The following MORC1 variants were observed in gnomAD, a reference collection of about 807,000 sequenced individuals.
MORC1 encodes MORC family CW-type zinc finger 1.
In MORC1, 59 loss-of-function variants were observed where a neutral mutation model predicts 134.9. The observed-to-expected ratio is 0.44, with a 90% CI of 0.35 to 0.54. MORC1 has a LOEUF of 0.54. MORC1 is among the 20% of genes least tolerant of loss of function. MORC1 has a pLI of 0.00. For missense variants in MORC1, 947 were observed against 1,134.5 expected, an observed-to-expected ratio of 0.83 and a Z score of 2.37; for synonymous variants, 395 against 391.7, an observed-to-expected ratio of 1.01 and a Z score of -0.10.
chr3:109,068,587 C>A (rs978856853), intron 9 of MORC1, among the ~76,000 whole-genome samples: 7 of 152,054 alleles, frequency 4.6e-5, no homozygotes, highest in Non-Finnish European at 7.3e-5. Context: ...TATATATATA[C>A]CACAGTGTCT....
intron 10 of MORC1, among the ~76,000 whole-genome samples, chr3:109,062,897 C>A (rs1251705770): frequency 6.6e-6 from 1 of 152,078 alleles, no homozygotes; most frequent in African/African-American, 2.4e-5. Context: ...GACAGACAAA[C>A]AAGGTTTCTA....
intron 23 of MORC1, among the ~76,000 whole-genome samples, chr3:108,983,059 A>T (rs984437308): frequency 6.6e-6 from 1 of 152,184 alleles, no homozygotes; most frequent in Non-Finnish European, 1.5e-5. Flanking sequence ...ACCAAAAAGT[A>T]TTACATGAAA....
In MORC1 at chr3:109,101,105, G is replaced by A. The variant is rs144786876; in HGVS notation, c.224-598C>T. Among the ~76,000 whole-genome samples, 161 of 152,242 alleles carry A rather than the reference G, an allele frequency of 1.1e-3. 3 individuals carry two copies. The highest frequency in any genetic ancestry group is 3.6e-3 in the African/African-American group (151 of 41,548). ...TCCATGTGGTGTAAGAGGCAACTAC[G>A]TAATACTTATATCACGGTGTTGCTG... On this transcript the variant is annotated intron_variant, in intron 4 of 27. Coordinates refer to ENST00000232603, the MANE Select transcript of MORC1 (RefSeq NM_014429.4).
At chr3:109,023,666 TTTAAG>T (rs1170085051) in intron 17 of MORC1, among the ~76,000 whole-genome samples, 1 of 152,100 alleles carries the variant, frequency 6.6e-6, no homozygotes, top group Admixed American at 6.6e-5. Flanking sequence ...GAAGAGAAAT[TTTAAG>T]TTAAATCTGA....
chr3:109,036,499 T>G (rs11707706), intron 14 of MORC1, among the ~76,000 whole-genome samples: 24,266 of 152,090 alleles, frequency 0.16, 2,167 homozygotes, highest in African/African-American at 0.23. Context: ...TATCTGTACA[T>G]GTGCATATAA....
intron 21 of MORC1, among the ~76,000 whole-genome samples, chr3:108,996,825 A>G (rs2107508595): frequency 2.0e-5 from 3 of 151,976 alleles, no homozygotes; most frequent in Middle Eastern, 6.8e-3. Flanking sequence ...CCTGGCTAAC[A>G]TGGAGAAACC....
chr3:108,995,218 T>C (rs1180979245), intron 21 of MORC1, among the ~76,000 whole-genome samples: 1 of 152,226 alleles, frequency 6.6e-6, no homozygotes, highest in Non-Finnish European at 1.5e-5. Context: ...CACAGGACAC[T>C]GTTCTTGCAA....
At chr3:108,996,294 A>G (rs1037858152) in intron 21 of MORC1, among the ~76,000 whole-genome samples, 3 of 148,848 alleles carry the variant, frequency 2.0e-5, no homozygotes, top group Non-Finnish European at 4.5e-5. Context: ...GCGCACACAC[A>G]CACACACACA....
At chr3:109,070,114 T>C (rs1457290701) in intron 8 of MORC1, among the ~76,000 whole-genome samples, 1 of 152,136 alleles carries the variant, frequency 6.6e-6, no homozygotes, top group Admixed American at 6.6e-5. Flanking sequence ...AATCCCTCGT[T>C]CAAACATAAC....
chr3:108,979,740 G>T (rs1947660951), intron 23 of MORC1, 73 bp from the exon 24 acceptor site: 1 of 1,540,144 alleles, frequency 6.5e-7, no homozygotes, highest in Non-Finnish European at 8.8e-7. Context: ...ATACAAAAAT[G>T]AGTGAAATGT....
intron 1 of MORC1, among the ~76,000 whole-genome samples, chr3:109,115,354 CACACAGAG>C (rs775286618): frequency 0.021 from 2,249 of 107,030 alleles, 57 homozygotes; most frequent in African/African-American, 0.07. Context: ...CACACACACA[CACACAGAG>C]AGAGAGAATA....
chr3:109,047,828 T>TAC (rs1290292373), intron 14 of MORC1, among the ~76,000 whole-genome samples: 1 of 152,168 alleles, frequency 6.6e-6, no homozygotes, highest in African/African-American at 2.4e-5. Flanking sequence ...AAAGACAGTT[T>TAC]TTCCTTATAG....
chr3:109,043,195 G>GGGTA (rs1553754190), intron 14 of MORC1, among the ~76,000 whole-genome samples: 6 of 100,798 alleles, frequency 6.0e-5, no homozygotes, highest in African/African-American at 2.3e-4. Context: ...ATGTGGGGGG[G>GGGTA]GGGGGGTGTG....
intron 16 of MORC1, 128 bp downstream of exon 16, chr3:109,032,592 A>G (rs997150059): frequency 4.7e-6 from 3 of 639,674 alleles, no homozygotes; most frequent in Non-Finnish European, 8.0e-6. Context: ...AGGGCATTAG[A>G]AAGAGTTTGA....
intron 21 of MORC1, among the ~76,000 whole-genome samples, chr3:108,999,510 C>A (rs1485993819): frequency 1.3e-5 from 2 of 152,156 alleles, no homozygotes; most frequent in African/African-American, 4.8e-5. Context: ...GTGACAATAA[C>A]TTTCTGGTGA....
At chr3:108,992,764 C>T (rs1335442920) in intron 21 of MORC1, among the ~76,000 whole-genome samples, 3 of 152,126 alleles carry the variant, frequency 2.0e-5, no homozygotes, top group East Asian at 1.9e-4. Flanking sequence ...CTGCAGCTCC[C>T]GGTATTTTCA....
In MORC1 at chr3:109,093,620, T is replaced by C. The variant is rs116640399; in HGVS notation, c.584-79A>G. On this transcript the variant is annotated intron_variant, in intron 7 of 27. Transcript: ENST00000232603. Reference sequence around the variant, plus strand: ...AGTCATTGTGCTATCATTTCATCTATGGAACTGAGTCTGCTATAAAATTTT... The same window carrying C: ...AGTCATTGTGCTATCATTTCATCTACGGAACTGAGTCTGCTATAAAATTTT... 3.9e-3 allele frequency: 4,012 copies of C among 1,020,874 alleles called. 133 individuals carry two copies. In the African/African-American group the frequency reaches 0.059, roughly 15 times the overall value. 63.2% of individuals were successfully genotyped at this position (1,020,874 alleles called of 1,614,324 possible). A position where few individuals can be genotyped will look rare whatever the true frequency, so the allele number is the denominator to read the frequency against.
chr3:108,994,684 T>A (rs1006740902), intron 21 of MORC1, among the ~76,000 whole-genome samples: 5 of 152,072 alleles, frequency 3.3e-5, no homozygotes, highest in African/African-American at 4.8e-5. Context: ...TGCCTTTTTT[T>A]AAATAAAGTC....
At chr3:108,960,094 A>C (rs1323776281) in intron 27 of MORC1, among the ~76,000 whole-genome samples, 1 of 152,198 alleles carries the variant, frequency 6.6e-6, no homozygotes, top group Non-Finnish European at 1.5e-5. Flanking sequence ...TAACTTAAGA[A>C]CAGATGAGAT....
Sources: gnomAD v4.1 joint callset for allele counts (sites outside exome capture counted in the v4.1 genomes callset) on GRCh38, gnomAD v4.1.1 for gene constraint, MANE v1.5 for transcripts, NCBI Gene and HGNC (gene_info 2026-07-23, HGNC 2026-07-21) for gene names.